KIF9: variants seen among roughly 807,000 people sequenced by gnomAD.
KIF9 encodes kinesin family member 9.
In KIF9, 68 loss-of-function variants were observed where a neutral mutation model predicts 94.8. That is an observed-to-expected ratio of 0.72 (90% CI 0.59 to 0.88). The LOEUF is 0.88. KIF9 is among the 40% of genes least tolerant of loss of function. KIF9 has a pLI of 0.00. For synonymous variants in KIF9, 343 were observed against 362.1 expected (o/e 0.95, Z 0.60); for missense variants, 882 against 982.5 (o/e 0.90, Z 1.37).
intron 11 of KIF9, 38 bp from the exon 12 acceptor site, chr3:47,247,515 G>T: frequency 1.3e-6 from 2 of 1,503,516 alleles, no homozygotes; most frequent in Non-Finnish European, 1.9e-6. Flanking sequence ...TAAGCAACAA[G>T]AACCTGAGCC....
chr3:47,280,665 C>G (rs1702271070), intron 1 of KIF9, among the ~76,000 whole-genome samples: 1 of 152,242 alleles, frequency 6.6e-6, no homozygotes, highest in Non-Finnish European at 1.5e-5. Context: ...GCCTGGACAA[C>G]AGCGTGAGAC....
At chr3:47,233,465 G>T (rs1698767131) in intron 20 of KIF9, among the ~76,000 whole-genome samples, 1 of 151,324 alleles carries the variant, frequency 6.6e-6, no homozygotes, top group Non-Finnish European at 1.5e-5. Flanking sequence ...GGAGGCCAGG[G>T]CAGGCGGATC....
intron 5 of KIF9, among the ~76,000 whole-genome samples, chr3:47,268,584 CTTTTTTTTTTT>C (rs560574291): frequency 7.3e-6 from 1 of 137,298 alleles, no homozygotes; most frequent in East Asian, 2.1e-4. Context: ...TTTTCTTCTT[CTTTTTTTTTTT>C]TTTTTTGAGA....
intron 4 of KIF9, among the ~76,000 whole-genome samples, chr3:47,273,210 C>G (rs1244513875): frequency 1.3e-5 from 2 of 152,124 alleles, no homozygotes; most frequent in Non-Finnish European, 2.9e-5. Context: ...TCATTAAAAC[C>G]AGGAAAGAGA....
intron 1 of KIF9, chr3:47,281,017 A>G (rs1559476671): frequency 1.4e-6 from 1 of 703,050 alleles, no homozygotes; most frequent in Non-Finnish European, 2.6e-6. Flanking sequence ...CCAAAATTAA[A>G]TTACAAGCTG....
rs1473243928 is a variant in KIF9, at chr3:47,266,956, C to G, written c.768+20G>C. 2 of 1,586,270 alleles carry G rather than the reference C, an allele frequency of 1.3e-6. No individual in the cohort carries two copies. The highest frequency in any genetic ancestry group is 3.3e-5 in the Admixed American group (2 of 59,958). On this transcript the variant is annotated intron_variant, in intron 7 of 20. Transcript: ENST00000684063. Reference sequence around the variant, plus strand: ...GGCTTGTGGTTTATTGAGTAGCAACCTCCAGCCCCCATCACTTACCCCAGA... The same window carrying G: ...GGCTTGTGGTTTATTGAGTAGCAACGTCCAGCCCCCATCACTTACCCCAGA...
intron 10 of KIF9, among the ~76,000 whole-genome samples, chr3:47,250,150 T>C (rs533702451): frequency 1.1e-4 from 16 of 152,240 alleles, no homozygotes; most frequent in South Asian, 8.3e-4. Flanking sequence ...ATATTCTAGA[T>C]TAGTGCTGTC....
chr3:47,239,464 C>A, intron 17 of KIF9: 1 of 754,090 alleles, frequency 1.3e-6, no homozygotes, highest in Non-Finnish European at 1.7e-6. Context: ...CCTTCTCCAG[C>A]TTCCCAGACC....
intron 13 of KIF9, 182 bp downstream of exon 13, chr3:47,246,015 C>A (rs1699901427): frequency 1.0e-5 from 6 of 581,914 alleles, no homozygotes; most frequent in East Asian, 2.9e-5. Flanking sequence ...TCCATAAACA[C>A]CTCCTGTCCA....
chr3:47,240,183 C>A, intron 17 of KIF9: 1 of 268,014 alleles, frequency 3.7e-6, no homozygotes, highest in East Asian at 8.7e-5. Context: ...GACACTGGGT[C>A]AGAGTAACCA....
At chr3:47,241,152 C>T in intron 16 of KIF9, 137 bp from the exon 17 acceptor site, 1 of 692,700 alleles carries the variant, frequency 1.4e-6, no homozygotes, top group Non-Finnish European at 2.5e-6. Context: ...AAGACAGGAG[C>T]TAAACTGTGT....
At position 47,277,356 on chromosome 3, in the gene KIF9, C is replaced by G; in HGVS notation, c.19G>C (p.Val7Leu). The change falls in exon 2 of 21, where the codon GTT becomes CTT. Residue 7 changes from valine (V) to leucine (L), a missense_variant. Physicochemically the swap from Val to Leu is conservative, Grantham distance 32. Coordinates refer to ENST00000684063, the MANE Select transcript of KIF9 (RefSeq NM_182902.4). Reference protein sequence around the residue: MGTRKKVHAFVRVKPTD... With the variant: MGTRKKLHAFVRVKPTD... ...GGTTTGACACGGACAAATGCATGAA[C>G]TTTTTTCCTAGTACCCATTCTAGCT... The G allele has an allele frequency of 1.2e-6, 2 of 1,613,684 alleles. No homozygotes were observed. The highest frequency in any genetic ancestry group is 1.7e-6 in the Non-Finnish European group (2 of 1,179,740).
Position 47,236,060 on chromosome 3 carries a change from C to T in KIF9, c.2191G>A (p.Val731Ile). The T allele has an allele frequency of 1.2e-6, 2 of 1,614,070 alleles. No individual in the cohort carries two copies. Among genetic ancestry groups the T allele is most frequent in the Non-Finnish European group, 1.7e-6 (2 of 1,179,934 alleles). ...AGAGACACAATCCTGTTCACAGGGACCATGCCTGGCCGGATGCTGCCGCCT... is the reference window on the plus strand; with the variant it reads ...AGAGACACAATCCTGTTCACAGGGATCATGCCTGGCCGGATGCTGCCGCCT... Reference protein sequence around the residue: ...KPGGSIRPGMVPVNRIVSLGE... With the variant: ...KPGGSIRPGMIPVNRIVSLGE... The change falls in exon 19 of 21, where the codon GTC becomes ATC. Residue 731 changes from valine (V) to isoleucine (I), a missense_variant. By Grantham distance (29) the Val-to-Ile change is conservative. Transcript: ENST00000684063.
At chr3:47,234,097 AAAAG>A (rs772861570) in intron 20 of KIF9, among the ~76,000 whole-genome samples, 6 of 152,160 alleles carry the variant, frequency 3.9e-5, no homozygotes, top group Non-Finnish European at 7.3e-5. Context: ...CCCCCCAAAA[AAAAG>A]AAAGAGAGAA....
At chr3:47,236,392 CCT>C (rs2107081831) in intron 18 of KIF9, 49 bp downstream of exon 18, 1 of 1,597,746 alleles carries the variant, frequency 6.3e-7, no homozygotes, top group Non-Finnish European at 8.6e-7. Flanking sequence ...GTGGCCTCTC[CCT>C]GAGTCTCCTT....
At chr3:47,279,905 C>T (rs1223518506) in intron 1 of KIF9, among the ~76,000 whole-genome samples, 1 of 152,088 alleles carries the variant, frequency 6.6e-6, no homozygotes, top group Non-Finnish European at 1.5e-5. Flanking sequence ...TAAGAGAGGT[C>T]CAATGGGTGT....
intron 8 of KIF9, among the ~76,000 whole-genome samples, chr3:47,265,337 G>C (rs1701222638): frequency 6.6e-6 from 1 of 152,136 alleles, no homozygotes; most frequent in South Asian, 2.1e-4. Context: ...CAAAGGCCTA[G>C]GGCTATGGGG....
intron 4 of KIF9, 51 bp from the exon 5 acceptor site, chr3:47,271,512 A>G (rs781259984): frequency 1.7e-5 from 24 of 1,387,568 alleles, no homozygotes; most frequent in Non-Finnish European, 2.4e-5. Context: ...CCAACAGCCA[A>G]CTAGCATAAG....
chr3:47,249,833 G>T (rs953135105), intron 10 of KIF9, among the ~76,000 whole-genome samples: 1 of 152,162 alleles, frequency 6.6e-6, no homozygotes, highest in Non-Finnish European at 1.5e-5. Flanking sequence ...CAAGGCAGGT[G>T]GATCATCTGA....
Sources: gnomAD v4.1 joint callset for allele counts (sites outside exome capture counted in the v4.1 genomes callset) on GRCh38, gnomAD v4.1.1 for gene constraint, MANE v1.5 for transcripts, NCBI Gene and HGNC (gene_info 2026-07-23, HGNC 2026-07-21) for gene names.